Variants in SNX31 observed in about 807,000 individuals in gnomAD.
SNX31 encodes sorting nexin-31.
In SNX31, 58 loss-of-function variants were observed where a neutral mutation model predicts 65.4. The ratio of observed to expected loss-of-function variants is 0.89; its 90% CI spans 0.72 to 1.10. SNX31 has a LOEUF of 1.10. Among genes scored for constraint, SNX31 ranks in the 50% least tolerant of loss-of-function variants. The pLI is 0.00. For missense variants in SNX31, 523 were observed against 529.7 expected (o/e 0.99, Z 0.12); for synonymous variants, 181 against 190.1 (o/e 0.95, Z 0.39).
chr8:100,653,955 T>C (rs781165133), upstream of SNX31, among the ~76,000 whole-genome samples: 1 of 152,210 alleles, frequency 6.6e-6, no homozygotes, highest in South Asian at 2.1e-4. Context: ...CTGTGTAACA[T>C]GCACAAACTC....
At chr8:100,582,915 G>A (rs1299187523) in intron 12 of SNX31, among the ~76,000 whole-genome samples, 8 of 151,492 alleles carry the variant, frequency 5.3e-5, no homozygotes, top group East Asian at 2.0e-4. Context: ...CCCGGAAGGC[G>A]GAGCTTGCAG....
chr8:100,592,036 A>G (rs1362918134), intron 10 of SNX31, among the ~76,000 whole-genome samples: 1 of 152,216 alleles, frequency 6.6e-6, no homozygotes, highest in African/African-American at 2.4e-5. Flanking sequence ...TCAATAGTAC[A>G]TACTCAATGT....
chr8:100,661,598 G>A lies in SNX31; in HGVS notation c.-58+1544C>T, dbSNP rs75022956. Reference sequence around the variant, plus strand: ...CACTCTGTCACCCAGGAAGGATTATGGTTCACTGCAGCCTCGACCGCCTGG... The same window carrying A: ...CACTCTGTCACCCAGGAAGGATTATAGTTCACTGCAGCCTCGACCGCCTGG... On this transcript the variant is annotated intron_variant, in intron 1 of 5. Coordinates refer to the SNX31 transcript ENST00000520352. Among the ~76,000 whole-genome samples the A allele has an allele frequency of 3.6e-3, 542 of 152,122 alleles. 2 individuals are homozygous for A. The highest frequency in any genetic ancestry group is 0.012 in the African/African-American group (511 of 41,500).
chr8:100,579,890 TG>T (rs1442958701), intron 12 of SNX31, among the ~76,000 whole-genome samples: 2 of 152,242 alleles, frequency 1.3e-5, no homozygotes, highest in African/African-American at 4.8e-5. Context: ...CCAGGCATGG[TG>T]GCTCACACCT....
intron 10 of SNX31, among the ~76,000 whole-genome samples, chr8:100,595,754 C>T (rs907278241): frequency 2.0e-5 from 3 of 152,050 alleles, no homozygotes; most frequent in African/African-American, 7.2e-5. Context: ...GGAAAGGCTG[C>T]GTTTGAGATG....
chr8:100,622,319 G>A lies in SNX31; in HGVS notation c.322-4589C>T, dbSNP rs945725532. ...TTCCATATTTCTCAAAATAATCCAA[G>A]TGAGAAGAGAAAAAGAACTAGCATA... is the stretch of plus-strand genomic sequence containing the variant. On this transcript the variant is annotated intron_variant, in intron 4 of 13. Coordinates refer to ENST00000311812, the MANE Select transcript of SNX31 (RefSeq NM_152628.4). The surrounding 1 kb of genome is among the most constrained non-coding windows in gnomAD (Gnocchi z 5.0). Among the ~76,000 whole-genome samples the A allele has an allele frequency of 6.6e-6, 1 of 152,150 alleles. No individual in the cohort carries two copies. Among genetic ancestry groups the A allele is most frequent in the Admixed American group, 6.6e-5 (1 of 15,256 alleles).
rs901584141 is a variant in SNX31, at chr8:100,594,625, TA to T, written c.978+2013del. Among the ~76,000 whole-genome samples, 4 of 151,748 alleles carry T rather than the reference TA, an allele frequency of 2.6e-5. No homozygotes were observed. The highest frequency in any genetic ancestry group is 6.6e-5 in the Admixed American group (1 of 15,252). On this transcript the variant is annotated intron_variant, in intron 10 of 13. Transcript: ENST00000311812. This position sits in a 1 kb window ranked among gnomAD's most constrained non-coding sequence, Gnocchi z 4.0. ...TACACATATATTAGAATGACTACAA[TA>T]AAAAAAATAGTGACAACACCAAATG... is the stretch of plus-strand genomic sequence containing the variant.
Position 100,636,025 on chromosome 8 carries a change from G to A in SNX31, c.142-14C>T. ...GACCCGCCTTAGCTGAAAGATCCAG[G>A]AAACACAGTTAAGGCAGGTGAGCCG... On this transcript the variant is annotated splice_polypyrimidine_tract_variant and intron_variant, in intron 2 of 13. Transcript: ENST00000311812. The A allele has an allele frequency of 6.2e-7, 1 of 1,604,112 alleles. No individual in the cohort carries two copies. The highest frequency in any genetic ancestry group is 8.5e-7 in the Non-Finnish European group (1 of 1,170,960).
At chr8:100,659,582 T>G (rs577087280) in intron 1 of SNX31, among the ~76,000 whole-genome samples, 2 of 151,938 alleles carry the variant, frequency 1.3e-5, no homozygotes, top group Non-Finnish European at 2.9e-5. Flanking sequence ...TGAACAAAGG[T>G]AGCAACTCCA....
At chr8:100,615,320 C>T (rs1420607215) in intron 5 of SNX31, among the ~76,000 whole-genome samples, 2 of 152,208 alleles carry the variant, frequency 1.3e-5, no homozygotes, top group Non-Finnish European at 2.9e-5. Flanking sequence ...TACTGCCCTA[C>T]TCAGTACGTA....
intron 10 of SNX31, among the ~76,000 whole-genome samples, chr8:100,596,044 A>T (rs1468388807): frequency 6.6e-6 from 1 of 152,186 alleles, no homozygotes; most frequent in Non-Finnish European, 1.5e-5. Flanking sequence ...CCATGGATTT[A>T]ACAAGTGGGT....
At chr8:100,593,224 C>T (rs1040918946) in intron 10 of SNX31, among the ~76,000 whole-genome samples, 3 of 152,078 alleles carry the variant, frequency 2.0e-5, no homozygotes, top group East Asian at 1.9e-4. Flanking sequence ...AAGAAAGACA[C>T]GTGTGATATT....
At chr8:100,581,311 T>TATATATA (rs56949626) in intron 12 of SNX31, among the ~76,000 whole-genome samples, 35 of 122,674 alleles carry the variant, frequency 2.9e-4, no homozygotes, top group African/African-American at 1.6e-3. Context: ...AAAAAATTTT[T>TATATATA]TATATATCTA....
intron 11 of SNX31, among the ~76,000 whole-genome samples, chr8:100,584,819 G>T (rs1813888135): frequency 6.9e-6 from 1 of 145,492 alleles, no homozygotes; most frequent in African/African-American, 2.6e-5. Flanking sequence ...CTGCGATCTT[G>T]GCTCACTGCA....
intron 12 of SNX31, among the ~76,000 whole-genome samples, chr8:100,577,818 C>T (rs923723443): frequency 4.6e-5 from 7 of 152,248 alleles, no homozygotes; most frequent in African/African-American, 1.7e-4. Flanking sequence ...GACATTCCAG[C>T]CCCAGAGACC....
chr8:100,656,639 T>TAAAA, intron 1 of SNX31, among the ~76,000 whole-genome samples: 2 of 16,028 alleles, frequency 1.2e-4, no homozygotes, highest in South Asian at 2.0e-3. Context: ...AGACTCTGTC[T>TAAAA]CAAAAAAAAA....
At chr8:100,584,025 G>T (rs1813795401) in intron 12 of SNX31, 86 bp downstream of exon 12, 1 of 1,206,662 alleles carries the variant, frequency 8.3e-7, no homozygotes, top group Non-Finnish European at 1.2e-6. Flanking sequence ...GCTGGCTCAG[G>T]GAGCTCATGA....
chr8:100,594,882 C>G lies in SNX31; in HGVS notation c.978+1757G>C, dbSNP rs923085746. ...CAGCTCTATTCATAATAGCTAAAAA[C>G]TAGAAACAACCAGAGGTTCTTCAAT... On this transcript the variant is annotated intron_variant, in intron 10 of 13. Transcript: ENST00000311812. This position sits in a 1 kb window ranked among gnomAD's most constrained non-coding sequence, Gnocchi z 4.0. 6.6e-6 allele frequency among the ~76,000 whole-genome samples: 1 copy of G among 152,156 alleles called. No homozygotes were observed. Among genetic ancestry groups the G allele is most frequent in the African/African-American group, 2.4e-5 (1 of 41,424 alleles).
intron 2 of SNX31, among the ~76,000 whole-genome samples, chr8:100,642,804 A>AT (rs1302925482): frequency 6.6e-6 from 1 of 152,218 alleles, no homozygotes; most frequent in Non-Finnish European, 1.5e-5. Context: ...AAAGGAAAAC[A>AT]TATCTGTTCT....
Sources: allele counts gnomAD v4.1 joint callset (sites outside exome capture counted in the v4.1 genomes callset), GRCh38; gene constraint gnomAD v4.1.1; non-coding constraint Gnocchi (gnomAD v3.1); transcripts MANE v1.5; gene names NCBI Gene and HGNC (gene_info 2026-07-23, HGNC 2026-07-21).